Variants in ARHGAP42 observed in about 807,000 individuals in gnomAD.
ARHGAP42 encodes rho GTPase-activating protein 42.
ARHGAP42 carries 63 observed loss-of-function variants against 125.0 expected under a neutral mutation model. That is an observed-to-expected ratio of 0.50 (90% CI 0.41 to 0.62). The LOEUF is 0.62. Among genes scored for constraint, ARHGAP42 ranks in the 20% least tolerant of loss-of-function variants. ARHGAP42 has a pLI of 0.00. For synonymous variants in ARHGAP42, 339 were observed against 351.0 expected (o/e 0.97, Z 0.38); for missense variants, 766 against 1,024.2 (o/e 0.75, Z 3.44).
rs796506302 is a variant in ARHGAP42 at position 100,705,022 on chromosome 11, A to C, written c.154+17190A>C. 1.1e-3 allele frequency among the ~76,000 whole-genome samples: 121 copies of C among 109,666 alleles called. 1 individual carries two copies. The East Asian group carries it at 0.019, about 18-fold the overall frequency. 71.9% of individuals were successfully genotyped at this position (109,666 alleles called of 152,430 possible). On this transcript the variant is annotated intron_variant, in intron 1 of 23. Transcript: ENST00000298815. Reference sequence around the variant, plus strand: ...CCAACAACAACAACAACAAAAAAAAAAAAAAAAAAAAGAGAGAAGAAAAGA... The same window carrying C: ...CCAACAACAACAACAACAAAAAAAACAAAAAAAAAAAGAGAGAAGAAAAGA...
intron 2 of ARHGAP42, among the ~76,000 whole-genome samples, chr11:100,770,794 G>A (rs980096207): frequency 5.3e-5 from 8 of 152,164 alleles, no homozygotes; most frequent in East Asian, 1.9e-4. Flanking sequence ...GGTCAGCCTG[G>A]TCTCGAACTC....
chr11:100,829,353 C>T (rs946901436), intron 3 of ARHGAP42, among the ~76,000 whole-genome samples: 1 of 148,754 alleles, frequency 6.7e-6, no homozygotes, highest in African/African-American at 2.5e-5. Flanking sequence ...GAGCAAGACC[C>T]TGTCTTCAAA....
intron 6 of ARHGAP42, among the ~76,000 whole-genome samples, chr11:100,927,660 A>AAT (rs1867464219): frequency 1.3e-5 from 2 of 152,286 alleles, no homozygotes; most frequent in Middle Eastern, 3.4e-3. Context: ...ATTGAGCTGT[A>AAT]AAGATAAGCT....
intron 1 of ARHGAP42, among the ~76,000 whole-genome samples, chr11:100,745,168 T>C (rs999281134): frequency 6.6e-6 from 1 of 152,108 alleles, no homozygotes; most frequent in East Asian, 1.9e-4. Flanking sequence ...AAAGGTTGCT[T>C]TACGAGGAAG....
At chr11:100,866,008 A>G (rs1421309231) in intron 4 of ARHGAP42, among the ~76,000 whole-genome samples, 2 of 152,222 alleles carry the variant, frequency 1.3e-5, no homozygotes, top group Non-Finnish European at 2.9e-5. Context: ...CATTTTACCT[A>G]TAAGAAAACA....
At chr11:100,987,314 C>A (rs1175943958) in intron 22 of ARHGAP42, among the ~76,000 whole-genome samples, 199 bp from the exon 23 acceptor site, 1 of 152,122 alleles carries the variant, frequency 6.6e-6, no homozygotes, top group African/African-American at 2.4e-5. Flanking sequence ...TTCTAGTGTG[C>A]TAGTAATCCT....
At chr11:100,911,205 G>T (rs942077505) in intron 4 of ARHGAP42, among the ~76,000 whole-genome samples, 1 of 152,168 alleles carries the variant, frequency 6.6e-6, no homozygotes. Context: ...TTGTACCATG[G>T]ATAACAGTTT....
intron 2 of ARHGAP42, among the ~76,000 whole-genome samples, chr11:100,793,486 C>G (rs11823529): frequency 0.49 from 74,912 of 152,030 alleles, 19,471 homozygotes; most frequent in South Asian, 0.63. Flanking sequence ...TTTGGTAACT[C>G]TGAATAAAAT....
rs1172342780 is a variant in ARHGAP42 at position 100,921,231 on chromosome 11, ATATATATATATATATTTTTTTTTTT to A, written c.487-261_487-237del. On this transcript the variant is annotated intron_variant, in intron 5 of 23. Coordinates refer to ENST00000298815, the MANE Select transcript of ARHGAP42 (RefSeq NM_152432.4). ...TATATATACATATATATATATATAT[ATATATATATATATATTTTTTTTTTT>A]TTTTTTTTTTTTTTTTTACTGCAAT... 2.9e-4 allele frequency among the ~76,000 whole-genome samples: 14 copies of A among 48,194 alleles called. No homozygotes were observed. In the East Asian group the frequency reaches 7.0e-3, roughly 24 times the overall value. 31.6% of individuals were successfully genotyped at this position (48,194 alleles called of 152,430 possible). A position where few individuals can be genotyped will look rare whatever the true frequency, so the allele number is the denominator to read the frequency against.
At chr11:100,935,707 A>G (rs1045044544) in intron 7 of ARHGAP42, among the ~76,000 whole-genome samples, 1 of 150,832 alleles carries the variant, frequency 6.6e-6, no homozygotes, top group Non-Finnish European at 1.5e-5. Context: ...TTCAAAGAGA[A>G]ACATGCAGAA....
At chr11:100,743,581 C>G (rs191912621) in intron 1 of ARHGAP42, among the ~76,000 whole-genome samples, 1 of 152,220 alleles carries the variant, frequency 6.6e-6, no homozygotes, top group East Asian at 1.9e-4. Flanking sequence ...CCCATGAGTT[C>G]TATGAGTTTC....
intron 1 of ARHGAP42, among the ~76,000 whole-genome samples, chr11:100,728,230 T>C (rs1056171047): frequency 6.6e-6 from 1 of 152,186 alleles, no homozygotes; most frequent in Non-Finnish European, 1.5e-5. Context: ...TGGAATCTCC[T>C]TAATCAAGCA....
intron 6 of ARHGAP42, among the ~76,000 whole-genome samples, chr11:100,928,592 GA>G (rs1198455803): frequency 7.1e-4 from 102 of 142,672 alleles, no homozygotes; most frequent in Middle Eastern, 3.6e-3. Context: ...TCTCAAAAAA[GA>G]AAAAAAAAAG....
intron 4 of ARHGAP42, among the ~76,000 whole-genome samples, chr11:100,900,338 C>T (rs954507820): frequency 6.6e-6 from 1 of 152,176 alleles, no homozygotes; most frequent in Non-Finnish European, 1.5e-5. Context: ...CTGTGCTTAA[C>T]ATTTTTTCCT....
intron 1 of ARHGAP42, among the ~76,000 whole-genome samples, chr11:100,757,211 G>A (rs1396079943): frequency 6.6e-6 from 1 of 152,158 alleles, no homozygotes; most frequent in Admixed American, 6.5e-5. Context: ...GCTAAATCCA[G>A]TATGGTAGAA....
chr11:100,755,038 T>G (rs78737960), intron 1 of ARHGAP42, among the ~76,000 whole-genome samples: 5,714 of 152,318 alleles, frequency 0.038, 111 homozygotes, highest in African/African-American at 0.07. Context: ...CAAATCTGTT[T>G]GTTGAACAGT....
At chr11:100,822,579 G>T (rs1864427973) in intron 3 of ARHGAP42, among the ~76,000 whole-genome samples, 1 of 152,120 alleles carries the variant, frequency 6.6e-6, no homozygotes, top group Non-Finnish European at 1.5e-5. Flanking sequence ...CCATGGTGGG[G>T]ATGATTGAAT....
chr11:100,923,806 G>A (rs1233350056), intron 6 of ARHGAP42, among the ~76,000 whole-genome samples: 1 of 152,076 alleles, frequency 6.6e-6, no homozygotes, highest in Admixed American at 6.5e-5. Flanking sequence ...TCCTAGTAGA[G>A]CATCTGGCCA....
intron 3 of ARHGAP42, among the ~76,000 whole-genome samples, chr11:100,851,536 G>A (rs942756418): frequency 1.3e-5 from 2 of 152,154 alleles, no homozygotes; most frequent in Non-Finnish European, 2.9e-5. Flanking sequence ...AGAATTGTGT[G>A]TAATACGTAG....
Sources: allele counts gnomAD v4.1 joint callset (sites outside exome capture counted in the v4.1 genomes callset), GRCh38; gene constraint gnomAD v4.1.1; transcripts MANE v1.5; gene names NCBI Gene and HGNC (gene_info 2026-07-23, HGNC 2026-07-21).